Variants in KIF15 observed in about 807,000 individuals in gnomAD.
KIF15 encodes the protein kinesin family member 15, also known as kinesin-like protein KIF15.
KIF15 carries 140 observed loss-of-function variants against 190.6 expected under a neutral mutation model. That is an observed-to-expected ratio of 0.73 (90% CI 0.64 to 0.84). The LOEUF is 0.84. Among genes scored for constraint, KIF15 ranks in the 40% least tolerant of loss-of-function variants. The pLI, the probability that KIF15 is intolerant of heterozygous loss-of-function variation, is 0.00. For missense variants in KIF15, 1,372 were observed against 1,584.4 expected, an observed-to-expected ratio of 0.87 and a Z score of 2.28; for synonymous variants, 528 against 551.3, an observed-to-expected ratio of 0.96 and a Z score of 0.59.
chr3:44,861,917 C>T, intron 6 of KIF15: 2 of 1,474,556 alleles, frequency 1.4e-6, no homozygotes, highest in Non-Finnish European at 1.8e-6. Context: ...ACGGTGTCAG[C>T]AGGCAACATG....
At chr3:44,764,780 G>T (rs1008693681) in intron 1 of KIF15, among the ~76,000 whole-genome samples, 7 of 152,086 alleles carry the variant, frequency 4.6e-5, no homozygotes, top group African/African-American at 1.4e-4. Flanking sequence ...GGGACTACAG[G>T]CAACCACCAC....
intron 7 of KIF15, 63 bp downstream of exon 7, chr3:44,786,637 A>C (rs1452094051): frequency 2.9e-5 from 40 of 1,387,338 alleles, no homozygotes; most frequent in Non-Finnish European, 3.8e-5. Flanking sequence ...TGCACCCCAA[A>C]CTCCAAAAAG....
intron 33 of KIF15, 45 bp from the exon 34 acceptor site, chr3:44,852,163 A>G (rs1213399348): frequency 2.5e-6 from 4 of 1,578,970 alleles, no homozygotes; most frequent in Non-Finnish European, 3.4e-6. Context: ...AAAGAAAATT[A>G]AGACCTACTT....
At chr3:44,823,108 G>T (rs1697443741) in intron 20 of KIF15, among the ~76,000 whole-genome samples, 1 of 152,132 alleles carries the variant, frequency 6.6e-6, no homozygotes, top group South Asian at 2.1e-4. Flanking sequence ...AGAATTTTCA[G>T]CTTTTCTCCT....
intron 4 of KIF15, 62 bp from the exon 5 acceptor site, chr3:44,780,823 T>C (rs969694492): frequency 7.3e-6 from 8 of 1,092,448 alleles, no homozygotes; most frequent in Non-Finnish European, 1.1e-5. Flanking sequence ...ACTAGTATTA[T>C]AATAGGAGGA....
chr3:44,856,754 G>A (rs542318602), downstream of KIF15, among the ~76,000 whole-genome samples: 1 of 152,280 alleles, frequency 6.6e-6, no homozygotes, highest in East Asian at 1.9e-4. Flanking sequence ...AAGTAAAGCG[G>A]CCTTGAGAAG....
At chr3:44,777,974 C>A in intron 3 of KIF15, 141 bp from the exon 4 acceptor site, 1 of 681,642 alleles carries the variant, frequency 1.5e-6, no homozygotes, top group South Asian at 1.7e-5. Context: ...GTTGAATCAT[C>A]TTAGATAGTT....
chr3:44,830,151 C>T (rs939507152), intron 25 of KIF15, 76 bp downstream of exon 25: 11 of 630,376 alleles, frequency 1.7e-5, no homozygotes, highest in African/African-American at 1.3e-4. Flanking sequence ...TTAACAGATG[C>T]TCCACCAGAA....
chr3:44,794,495 A>G, intron 8 of KIF15, 69 bp downstream of exon 8: 3 of 1,172,032 alleles, frequency 2.6e-6, no homozygotes, highest in East Asian at 2.5e-5. Context: ...GTCGTGATGC[A>G]TGACAGTGTC....
chr3:44,845,202 G>A (rs1698788395), intron 30 of KIF15, among the ~76,000 whole-genome samples: 1 of 152,142 alleles, frequency 6.6e-6, no homozygotes, highest in East Asian at 1.9e-4. Context: ...AGAAAGAAAT[G>A]GTTAGTACTT....
chr3:44,800,332 A>G lies in KIF15; in HGVS notation c.1117A>G (p.Thr373Ala), dbSNP rs199982613. ...TGAACAGGCAGTAGTAAATGAAGAC[A>G]CCCAAGGAAATGTGAGCCAGCTCCA... ...IKNKAVVNED[T>A]QGNVSQLQAE... The change falls in exon 11 of 35, where the codon ACC (threonine) becomes GCC (alanine). Residue 373 changes from threonine to alanine, a missense_variant. Coordinates refer to ENST00000326047, the MANE Select transcript of KIF15 (RefSeq NM_020242.3). 6.8e-6 allele frequency: 11 copies of G among 1,614,170 alleles called. No homozygotes were observed. In the East Asian group the frequency reaches 2.2e-4, roughly 33 times the overall value.
At position 44,853,008 on chromosome 3, in the gene KIF15, G is replaced by C; in HGVS notation, c.*273G>C. 4.0e-6 allele frequency: 1 copy of C among 250,656 alleles called. No homozygotes were observed. The highest frequency in any genetic ancestry group is 7.5e-6 in the Non-Finnish European group (1 of 134,148). 15.5% of individuals were successfully genotyped at this position (250,656 alleles called of 1,614,324 possible). A position where few individuals can be genotyped will look rare whatever the true frequency, so the allele number is the denominator to read the frequency against. On this transcript the variant is annotated 3_prime_UTR_variant, in exon 35 of 35. Coordinates refer to ENST00000326047, the MANE Select transcript of KIF15 (RefSeq NM_020242.3). ...TTTGTCTTTGTAAAAATAAAAGCCTGTAGCTAAGGTTTACAGTGGACATTA... is the reference window on the plus strand; with the variant it reads ...TTTGTCTTTGTAAAAATAAAAGCCTCTAGCTAAGGTTTACAGTGGACATTA...
chr3:44,806,518 G>T (rs1257962419), intron 16 of KIF15, among the ~76,000 whole-genome samples: 4 of 152,160 alleles, frequency 2.6e-5, no homozygotes, highest in Non-Finnish European at 5.9e-5. Flanking sequence ...AAAAAAATGT[G>T]TGAACAACTG....
chr3:44,814,375 T>A (rs892642747), intron 19 of KIF15, among the ~76,000 whole-genome samples: 2 of 152,122 alleles, frequency 1.3e-5, no homozygotes, highest in Non-Finnish European at 2.9e-5. Flanking sequence ...GTGGGTGCAA[T>A]CTCGGCTCAC....
intron 2 of KIF15, 45 bp from the exon 3 acceptor site, chr3:44,775,206 TTTC>T (rs1361015572): frequency 1.3e-6 from 2 of 1,492,242 alleles, no homozygotes; most frequent in African/African-American, 1.4e-5. Flanking sequence ...CTTTTTCAGT[TTTC>T]TTCTTCAATA....
At position 44,829,613 on chromosome 3, in the gene KIF15, A is replaced by T. The variant is rs1207026218; in HGVS notation, c.2944-358A>T. 2.2e-3 allele frequency among the ~76,000 whole-genome samples: 279 copies of T among 129,460 alleles called. 10 individuals are homozygous for T. Among genetic ancestry groups the T allele is most frequent in the African/African-American group, 8.0e-3 (257 of 32,130 alleles). 84.9% of individuals were successfully genotyped at this position (129,460 alleles called of 152,430 possible). A position where few individuals can be genotyped will look rare whatever the true frequency, so the allele number is the denominator to read the frequency against. On this transcript the variant is annotated intron_variant, in intron 24 of 34. Coordinates refer to ENST00000326047, the MANE Select transcript of KIF15 (RefSeq NM_020242.3). ...TATATATTATATATGCATATATATT[A>T]TATATGTATATACATTATATATGTA...
At chr3:44,763,628 T>TGACA (rs1429981578) in intron 1 of KIF15, among the ~76,000 whole-genome samples, 4 of 151,828 alleles carry the variant, frequency 2.6e-5, no homozygotes, top group Non-Finnish European at 5.9e-5. Flanking sequence ...GTGACATCAT[T>TGACA]GACACCATGA....
chr3:44,841,217 T>A lies in KIF15; in HGVS notation c.3564T>A (p.Asn1188Lys). 1.9e-6 allele frequency: 3 copies of A among 1,604,342 alleles called. No homozygotes were observed. The highest frequency in any genetic ancestry group is 2.5e-6 in the Non-Finnish European group (3 of 1,177,790). Residue 1188 changes from asparagine (N) to lysine (K), a missense_variant, in exon 29 of 35, where the codon AAT becomes AAA. Asn to Lys is a moderately conservative substitution (Grantham distance 94). Coordinates refer to ENST00000326047, the MANE Select transcript of KIF15 (RefSeq NM_020242.3). ...TKLNEDREVK[N>K]AEILRMKEQL... is the part of the protein sequence containing the mutation. ...TAAATGAAGACAGAGAAGTCAAAAATGCTGAAATCCTCAGAATGAAGGTAA... is the reference window on the plus strand; with the variant it reads ...TAAATGAAGACAGAGAAGTCAAAAAAGCTGAAATCCTCAGAATGAAGGTAA...
intron 22 of KIF15, 119 bp from the exon 23 acceptor site, chr3:44,827,340 C>T (rs1045210117): frequency 7.3e-6 from 5 of 686,146 alleles, no homozygotes; most frequent in African/African-American, 7.2e-5. Flanking sequence ...AAGGTAATGC[C>T]TGACACCAAG....
Sources: gnomAD v4.1 joint callset for allele counts (sites outside exome capture counted in the v4.1 genomes callset) on GRCh38, gnomAD v4.1.1 for gene constraint, MANE v1.5 for transcripts, NCBI Gene and HGNC (gene_info 2026-07-23, HGNC 2026-07-21) for gene names.